Variants in CHDH observed in about 807,000 individuals in gnomAD.
CHDH encodes the protein choline dehydrogenase, also known as choline dehydrogenase, mitochondrial.
Under a neutral mutation model 56.9 loss-of-function variants are expected in CHDH, and 43 were observed. The observed-to-expected ratio is 0.76, with a 90% CI of 0.59 to 0.97. The LOEUF is 0.97. CHDH is among the 50% of genes least tolerant of loss of function. CHDH has a pLI of 0.00. For synonymous variants in CHDH, 364 were observed against 348.5 expected, an observed-to-expected ratio of 1.04 and a Z score of -0.50; for missense variants, 816 against 821.1, an observed-to-expected ratio of 0.99 and a Z score of 0.08.
intron 2 of CHDH, among the ~76,000 whole-genome samples, chr3:53,826,980 A>T (rs772003765): frequency 6.6e-6 from 1 of 152,236 alleles, no homozygotes; most frequent in Non-Finnish European, 1.5e-5. Context: ...TAAAAACACA[A>T]TATCATTTAA....
At position 53,817,411 on chromosome 3, in the gene CHDH, T is replaced by A. The variant is rs911475226; in HGVS notation, c.*366A>T. On this transcript the variant is annotated 3_prime_UTR_variant, in exon 9 of 9. Coordinates refer to ENST00000315251, the MANE Select transcript of CHDH (RefSeq NM_018397.5). ...GGGTCTGGCAGGCACCCAGCCTCTG[T>A]GCATGGCCTGGGAAGGAACCACTGC... is the stretch of plus-strand genomic sequence containing the variant. The A allele has an allele frequency of 4.3e-6, 1 of 231,252 alleles. No individual in the cohort carries two copies. The highest frequency in any genetic ancestry group is 8.4e-6 in the Non-Finnish European group (1 of 118,352). 14.3% of individuals were successfully genotyped at this position (231,252 alleles called of 1,614,324 possible).
intron 1 of CHDH, among the ~76,000 whole-genome samples, chr3:53,845,062 T>C (rs563404842): frequency 6.6e-6 from 1 of 152,322 alleles, no homozygotes; most frequent in South Asian, 2.1e-4. Flanking sequence ...CTATTAGAGC[T>C]GAAAATGTTC....
intron 1 of CHDH, among the ~76,000 whole-genome samples, chr3:53,841,804 TCTAA>T (rs1264016050): frequency 6.6e-6 from 1 of 152,060 alleles, no homozygotes; most frequent in Non-Finnish European, 1.5e-5. Flanking sequence ...GTATCGCTGT[TCTAA>T]CTATGATACA....
Position 53,823,321 on chromosome 3 carries a change from T to A in CHDH, c.688A>T (p.Met230Leu), listed in dbSNP as rs751125015. 4 of 1,577,558 alleles carry A rather than the reference T, an allele frequency of 2.5e-6. No individual in the cohort carries two copies. The highest frequency in any genetic ancestry group is 1.2e-5 in the South Asian group (1 of 86,256). ...AGACCACTACCTTCATGGATGGTCATGTCCATCCAGCCGAAGCCCTCCTGC... is the reference window on the plus strand; with the variant it reads ...AGACCACTACCTTCATGGATGGTCAAGTCCATCCAGCCGAAGCCCTCCTGC... The part of the protein sequence containing the change: ...FQQEGFGWMD[M>L]TIHEGKRWSA... The change falls in exon 3 of 9, where the codon ATG becomes TTG. Residue 230 changes from methionine (M) to leucine (L), a missense_variant. Met to Leu is a conservative substitution (Grantham distance 15). Coordinates refer to ENST00000315251, the MANE Select transcript of CHDH (RefSeq NM_018397.5).
intron 8 of CHDH, 96 bp from the exon 9 acceptor site, chr3:53,818,291 A>C: frequency 8.7e-7 from 1 of 1,150,616 alleles, no homozygotes; most frequent in Non-Finnish European, 1.2e-6. Context: ...AAGCTGTCTG[A>C]GGGGATGGTG....
At position 53,820,586 on chromosome 3, in the gene CHDH, G is replaced by T; in HGVS notation, c.1008C>A (p.Asp336Glu). The T allele has an allele frequency of 1.9e-6, 3 of 1,612,434 alleles. No individual in the cohort carries two copies. Among genetic ancestry groups the T allele is most frequent in the Non-Finnish European group, 1.7e-6 (2 of 1,179,340 alleles). Residue 336 changes from aspartate to glutamate, a missense_variant, in exon 6 of 9, where the codon GAC becomes GAA. Transcript: ENST00000315251. ...CCTGCTGAATGTAGATCTCCAGGTG[G>T]TCTTGCAGGTTCTGGCCAACCCCTG... is the stretch of plus-strand genomic sequence containing the variant. ...HLPGVGQNLQ[D>E]HLEIYIQQAC...
At position 53,820,494 on chromosome 3, in the gene CHDH, T is replaced by C; in HGVS notation, c.1100A>G (p.Glu367Gly). 1 of 1,613,468 alleles carries C rather than the reference T, an allele frequency of 6.2e-7. No individual in the cohort carries two copies. Among genetic ancestry groups the C allele is most frequent in the Non-Finnish European group, 8.5e-7 (1 of 1,179,624 alleles). Reference sequence around the variant, plus strand: ...CTCACCTGTGAATTTCCAGAGCCACTCCAGACCAATGCAGACCTTCCGCAG... The same window carrying C: ...CTCACCTGTGAATTTCCAGAGCCACCCCAGACCAATGCAGACCTTCCGCAG... ...KPLRKVCIGL[E>G]WLWKFTGEGA... Residue 367 changes from glutamate (E) to glycine (G), a missense_variant, in exon 6 of 9, where the codon GAG (glutamate) becomes GGG (glycine). Glu to Gly is a moderately conservative substitution (Grantham distance 98). Transcript: ENST00000315251.
intron 2 of CHDH, among the ~76,000 whole-genome samples, chr3:53,837,806 C>T (rs1476921822): frequency 1.3e-5 from 2 of 151,976 alleles, no homozygotes; most frequent in African/African-American, 2.4e-5. Context: ...ATCTGTAATC[C>T]CAGCACTTTG....
intron 2 of CHDH, among the ~76,000 whole-genome samples, chr3:53,832,488 T>C (rs541918713): frequency 6.6e-5 from 10 of 151,792 alleles, no homozygotes; most frequent in East Asian, 2.0e-4. Context: ...GCCGAGATCG[T>C]ACCACTGCAC....
rs12485510 is a variant in CHDH at position 53,816,182 on chromosome 3, C to T, written c.*1595G>A. On this transcript the variant is annotated 3_prime_UTR_variant, in exon 9 of 9. Transcript: ENST00000315251. The stretch of plus-strand genomic sequence containing the variant: ...TAAGCCGCCCCAATCCTCTCAGATC[C>T]GAGCAAAGCCTGGAATCCCCCAATT... 67,123 of 139,464 alleles carry T rather than the reference C, an allele frequency of 0.48. 17,182 individuals are homozygous for T. Among genetic ancestry groups the T allele is most frequent in the East Asian group, 0.67 (3,094 of 4,586 alleles). The allele number at this position is 139,464 out of a possible 1,614,324, so 8.6% of individuals were successfully genotyped here. A position where few individuals can be genotyped will look rare whatever the true frequency, so the allele number is the denominator to read the frequency against.
chr3:53,843,667 A>T (rs776081215), intron 1 of CHDH, among the ~76,000 whole-genome samples: 1 of 152,056 alleles, frequency 6.6e-6, no homozygotes, highest in African/African-American at 2.4e-5. Flanking sequence ...GCATTTAATG[A>T]GCACCCCCTA....
chr3:53,836,219 G>A (rs1698489091), intron 2 of CHDH, among the ~76,000 whole-genome samples: 1 of 152,134 alleles, frequency 6.6e-6, no homozygotes, highest in Admixed American at 6.5e-5. Flanking sequence ...CTGGGCAGCT[G>A]CTCCTCCTCT....
intron 2 of CHDH, among the ~76,000 whole-genome samples, chr3:53,837,633 G>T (rs1286077441): frequency 6.6e-6 from 1 of 152,152 alleles, no homozygotes; most frequent in African/African-American, 2.4e-5. Flanking sequence ...CCCACTGTGG[G>T]TGCTTCCTCA....
rs571580628 is a variant in CHDH at position 53,818,201 on chromosome 3, G to C, written c.1367-6C>G. 12 of 1,591,316 alleles carry C rather than the reference G, an allele frequency of 7.5e-6. No homozygotes were observed. The highest frequency in any genetic ancestry group is 1.0e-5 in the Non-Finnish European group (12 of 1,170,114). ...GAAATCCTCAATATCAGTTTCTGTC[G>C]AGGAGAAGAAACAGGTGAGGACCCC... On this transcript the variant is annotated splice_region_variant and splice_polypyrimidine_tract_variant and intron_variant, in intron 8 of 8. Coordinates refer to ENST00000315251, the MANE Select transcript of CHDH (RefSeq NM_018397.5).
At chr3:53,836,301 C>A (rs573626486) in intron 2 of CHDH, among the ~76,000 whole-genome samples, 16 of 152,312 alleles carry the variant, frequency 1.1e-4, no homozygotes, top group African/African-American at 3.8e-4. Context: ...TTCCTCATGG[C>A]CCCCCAGGCC....
chr3:53,822,389 G>C (rs527550538), intron 4 of CHDH, 102 bp downstream of exon 4: 2 of 1,111,042 alleles, frequency 1.8e-6, no homozygotes, highest in Non-Finnish European at 2.6e-6. Context: ...GGATGAGCAC[G>C]TGGGTCTGGG....
Position 53,813,602 on chromosome 3 carries a change from A to G in CHDH, c.*4175T>C, listed in dbSNP as rs1289698540. The G allele has an allele frequency of 1.3e-5, 2 of 152,254 alleles. No homozygotes were observed. The highest frequency in any genetic ancestry group is 4.8e-5 in the African/African-American group (2 of 41,454). The allele number at this position is 152,254 out of a possible 1,614,324, so 9.4% of individuals were successfully genotyped here. A position where few individuals can be genotyped will look rare whatever the true frequency, so the allele number is the denominator to read the frequency against. On this transcript the variant is annotated 3_prime_UTR_variant, in exon 9 of 9. Coordinates refer to ENST00000315251, the MANE Select transcript of CHDH (RefSeq NM_018397.5). ...CAGACCAGGACCCTAAGTGTCTGAT[A>G]GAGGCGATGATCTTTTCCAAAGTCA... is the stretch of plus-strand genomic sequence containing the variant.
rs757782933 is a variant in CHDH, at chr3:53,818,224, C to T, written c.1367-29G>A. ...TCGAGGAGAAGAAACAGGTGAGGAC[C>T]CCTCCTTTTGCCCGTGCTGGCCTCA... On this transcript the variant is annotated intron_variant, in intron 8 of 8. Coordinates refer to ENST00000315251, the MANE Select transcript of CHDH (RefSeq NM_018397.5). The T allele has an allele frequency of 6.4e-6, 10 of 1,559,812 alleles. No individual in the cohort carries two copies. In the Admixed American group the frequency reaches 7.4e-5, roughly 12 times the overall value.
At chr3:53,825,431 T>C (rs757165100) in intron 2 of CHDH, among the ~76,000 whole-genome samples, 6 of 151,180 alleles carry the variant, frequency 4.0e-5, no homozygotes, top group Admixed American at 6.6e-5. Context: ...ATGAAAACTA[T>C]AGAAAAAAAC....
Sources: allele counts gnomAD v4.1 joint callset (sites outside exome capture counted in the v4.1 genomes callset), GRCh38; gene constraint gnomAD v4.1.1; transcripts MANE v1.5; gene names NCBI Gene and HGNC (gene_info 2026-07-23, HGNC 2026-07-21).